Variants in TRIML1 observed in about 807,000 individuals in gnomAD.
The protein encoded by TRIML1 is tripartite motif family like 1.
A neutral mutation model predicts 32.3 loss-of-function variants in TRIML1; 34 were observed. The ratio of observed to expected loss-of-function variants is 1.05; its 90% CI spans 0.80 to 1.40. The LOEUF (loss-of-function observed/expected upper bound fraction) is 1.40, where lower values mean the gene tolerates loss of function less well. TRIML1 is among the 40% of genes most tolerant of loss of function. TRIML1 has a pLI of 0.00. For synonymous variants in TRIML1, 244 were observed against 226.6 expected, an observed-to-expected ratio of 1.08 and a Z score of -0.69; for missense variants, 595 against 574.9, an observed-to-expected ratio of 1.03 and a Z score of -0.36.
chr4:188,138,042 C>T (rs996531013), upstream of TRIML1, among the ~76,000 whole-genome samples: 9 of 151,804 alleles, frequency 5.9e-5, no homozygotes, highest in African/African-American at 1.9e-4. Flanking sequence ...GATGCCACCT[C>T]TCTTCCTCTT....
rs1486927276 is a variant in TRIML1 at position 188,140,670 on chromosome 4, G to C, written c.504+47G>C. 10 of 1,300,358 alleles carry C rather than the reference G, an allele frequency of 7.7e-6. No homozygotes were observed. The East Asian group carries it at 2.3e-4, about 31-fold the overall frequency. 80.6% of individuals were successfully genotyped at this position (1,300,358 alleles called of 1,614,324 possible). On this transcript the variant is annotated intron_variant, in intron 2 of 5. Coordinates refer to ENST00000332517, the MANE Select transcript of TRIML1 (RefSeq NM_178556.5). ...GCTGCTTGTATATGACCCCATAAGG[G>C]GGACTAAAGGGAAATTTAGTGAAAT... is the stretch of plus-strand genomic sequence containing the variant.
chr4:188,141,367 T>C (rs762706794), intron 2 of TRIML1, among the ~76,000 whole-genome samples: 1 of 151,956 alleles, frequency 6.6e-6, no homozygotes, highest in Non-Finnish European at 1.5e-5. Flanking sequence ...GGTTTTACCA[T>C]GTTAGCCAGG....
chr4:188,147,378 G>C lies in TRIML1; in HGVS notation c.*6G>C, dbSNP rs766478768. 3 of 1,477,712 alleles carry C rather than the reference G, an allele frequency of 2.0e-6. No individual in the cohort carries two copies. Among genetic ancestry groups the C allele is most frequent in the East Asian group, 4.7e-5 (2 of 42,584 alleles). 91.5% of individuals were successfully genotyped at this position (1,477,712 alleles called of 1,614,324 possible). A position where few individuals can be genotyped will look rare whatever the true frequency, so the allele number is the denominator to read the frequency against. ...CACTGAACAGCCACGTCTGAGGGGC[G>C]TGCCCTGAGCCGTCACAGCGGGCGA... On this transcript the variant is annotated 3_prime_UTR_variant, in exon 6 of 6. Coordinates refer to ENST00000332517, the MANE Select transcript of TRIML1 (RefSeq NM_178556.5).
At chr4:188,142,599 AG>A in intron 3 of TRIML1, 117 bp downstream of exon 3, 1 of 782,366 alleles carries the variant, frequency 1.3e-6, no homozygotes, top group Non-Finnish European at 2.0e-6. Context: ...GTCCAAAAGT[AG>A]TTTTCCTAAA....
At chr4:188,143,996 C>G (rs374924947) in intron 4 of TRIML1, 40 bp from the exon 5 acceptor site, 27 of 1,608,492 alleles carry the variant, frequency 1.7e-5, no homozygotes, top group Non-Finnish European at 2.3e-5. Context: ...GCAGGTCACG[C>G]GGTCTGTGCC....
At chr4:188,145,752 G>T (rs1289185603) in intron 5 of TRIML1, among the ~76,000 whole-genome samples, 1 of 152,160 alleles carries the variant, frequency 6.6e-6, no homozygotes, top group Non-Finnish European at 1.5e-5. Context: ...GGGAGACGAG[G>T]TTGCAGTGAG....
In TRIML1 at chr4:188,147,553, A is replaced by C; in HGVS notation, c.*181A>C. ...TATGAACAGCCACATTACACAATCA[A>C]CTTCAACCCCAATAGAAGAGAGCTG... On this transcript the variant is annotated 3_prime_UTR_variant, in exon 6 of 6. Transcript: ENST00000332517. 2.3e-6 allele frequency: 1 copy of C among 428,058 alleles called. No homozygotes were observed. 26.5% of individuals were successfully genotyped at this position (428,058 alleles called of 1,614,324 possible). A position where few individuals can be genotyped will look rare whatever the true frequency, so the allele number is the denominator to read the frequency against.
At chr4:188,138,384 A>G (rs1247109653), upstream of TRIML1, among the ~76,000 whole-genome samples, 1 of 152,052 alleles carries the variant, frequency 6.6e-6, no homozygotes, top group Non-Finnish European at 1.5e-5. Flanking sequence ...CAAGCTGGAG[A>G]GTGAGGGGAC....
Position 188,146,918 on chromosome 4 carries a change from C to T in TRIML1, c.953C>T (p.Pro318Leu), listed in dbSNP as rs529833554. ...TATGGGGGAAGCAGACAGCAGCTAC[C>T]CGACAACCCGGAAAGATTTGACCAG... Reference protein sequence around the residue: ...VKYGGSRQQLPDNPERFDQSA... With the variant: ...VKYGGSRQQLLDNPERFDQSA... The change falls in exon 6 of 6, where the codon CCC becomes CTC. Residue 318 changes from proline (P) to leucine (L), a missense_variant. Transcript: ENST00000332517. 6.7e-7 allele frequency: 1 copy of T among 1,492,496 alleles called. No individual in the cohort carries two copies. The highest frequency in any genetic ancestry group is 2.3e-5 in the East Asian group (1 of 42,696). The allele number at this position is 1,492,496 out of a possible 1,614,324, so 92.5% of individuals were successfully genotyped here.
intron 5 of TRIML1, among the ~76,000 whole-genome samples, chr4:188,145,817 G>GAAAAAAAT (rs1256169773): frequency 6.6e-5 from 10 of 151,792 alleles, no homozygotes; most frequent in Non-Finnish European, 1.3e-4. Flanking sequence ...ACTGTCTCAG[G>GAAAAAAAT]AAAAAAATAA....
In TRIML1 at chr4:188,146,972, T is replaced by C; in HGVS notation, c.1007T>C (p.Phe336Ser). ...GCGACTGTGCTGGGTACTCAGATCTTCACCAGTGGGAGACACTACTGGGAG... is the reference window on the plus strand; with the variant it reads ...GCGACTGTGCTGGGTACTCAGATCTCCACCAGTGGGAGACACTACTGGGAG... ...QSATVLGTQI[F>S]TSGRHYWEVE... is the part of the protein sequence containing the mutation. The change falls in exon 6 of 6, where the codon TTC becomes TCC. Residue 336 changes from phenylalanine (F) to serine (S), a missense_variant. Physicochemically the swap from Phe to Ser is radical, Grantham distance 155. Transcript: ENST00000332517. 6.4e-7 allele frequency: 1 copy of C among 1,560,252 alleles called. No individual in the cohort carries two copies. Among genetic ancestry groups the C allele is most frequent in the Non-Finnish European group, 8.7e-7 (1 of 1,153,692 alleles).
At chr4:188,145,748 C>G (rs937198353) in intron 5 of TRIML1, among the ~76,000 whole-genome samples, 1 of 151,772 alleles carries the variant, frequency 6.6e-6, no homozygotes, top group African/African-American at 2.4e-5. Flanking sequence ...ACCTGGGAGA[C>G]GAGGTTGCAG....
rs749847543 is a variant in TRIML1, at chr4:188,146,958, G to C, written c.993G>C (p.Leu331=). The change falls in exon 6 of 6, where the codon CTG becomes CTC. Residue 331 remains leucine (L), a synonymous_variant. Coordinates refer to ENST00000332517, the MANE Select transcript of TRIML1 (RefSeq NM_178556.5). ...GATTTGACCAGTCTGCGACTGTGCT[G>C]GGTACTCAGATCTTCACCAGTGGGA... The part of the protein sequence containing the change: ...PERFDQSATV[L]GTQIFTSGRH... 1 of 1,546,650 alleles carries C rather than the reference G, an allele frequency of 6.5e-7. No homozygotes were observed. Among genetic ancestry groups the C allele is most frequent in the Non-Finnish European group, 8.7e-7 (1 of 1,147,752 alleles).
At chr4:188,148,508 T>C (rs1264260389), downstream of TRIML1, among the ~76,000 whole-genome samples, 1 of 151,524 alleles carries the variant, frequency 6.6e-6, no homozygotes, top group Non-Finnish European at 1.5e-5. Context: ...AAAAAAGAAG[T>C]CAGGTTTTGT....
At chr4:188,144,886 T>A (rs138137323) in intron 5 of TRIML1, among the ~76,000 whole-genome samples, 1 of 152,286 alleles carries the variant, frequency 6.6e-6, no homozygotes, top group African/African-American at 2.4e-5. Flanking sequence ...ACGTCAGGAT[T>A]AGTTCTCAGC....
At chr4:188,137,804 A>C (rs1003692247), upstream of TRIML1, among the ~76,000 whole-genome samples, 4 of 151,502 alleles carry the variant, frequency 2.6e-5, no homozygotes, top group African/African-American at 9.7e-5. Flanking sequence ...GTAGAGACGG[A>C]GTTTCACCAT....
At chr4:188,148,015 C>A (rs1418819766), downstream of TRIML1, among the ~76,000 whole-genome samples, 1 of 152,192 alleles carries the variant, frequency 6.6e-6, no homozygotes, top group Non-Finnish European at 1.5e-5. Flanking sequence ...AGGCTGGAAC[C>A]TTCCATTAAT....
chr4:188,150,517 A>G (rs757292555), downstream of TRIML1, among the ~76,000 whole-genome samples: 1 of 152,188 alleles, frequency 6.6e-6, no homozygotes, highest in Non-Finnish European at 1.5e-5. Context: ...AACCATTTGG[A>G]ATACATCTTT....
Position 188,144,140 on chromosome 4 carries a change from C to A in TRIML1, c.856+7C>A. The A allele has an allele frequency of 6.2e-7, 1 of 1,612,794 alleles. No individual in the cohort carries two copies. The highest frequency in any genetic ancestry group is 8.5e-7 in the Non-Finnish European group (1 of 1,179,176). ...ATGCTAAGAAAATTCAGCAGTAAGT[C>A]AGCCTGATTTGTTACCCCTCCGGGG... is the stretch of plus-strand genomic sequence containing the variant. On this transcript the variant is annotated splice_region_variant and intron_variant, in intron 5 of 5. Coordinates refer to ENST00000332517, the MANE Select transcript of TRIML1 (RefSeq NM_178556.5).
Sources: allele counts gnomAD v4.1 joint callset (sites outside exome capture counted in the v4.1 genomes callset), GRCh38; gene constraint gnomAD v4.1.1; transcripts MANE v1.5; gene names NCBI Gene and HGNC (gene_info 2026-07-23, HGNC 2026-07-21).